MTM1: variants seen among roughly 807,000 people sequenced by gnomAD.
MTM1 encodes the protein myotubularin 1.
Under a neutral mutation model 52.1 loss-of-function variants are expected in MTM1, and 9 were observed. That is an observed-to-expected ratio of 0.17 (90% CI 0.10 to 0.30). The LOEUF is 0.30. Ranked by LOEUF, MTM1 falls within the 10% of genes least tolerant of loss-of-function variation. The pLI is 1.00. For missense variants in MTM1, 277 were observed against 470.7 expected, an observed-to-expected ratio of 0.59 and a Z score of 3.81; for synonymous variants, 136 against 163.8, an observed-to-expected ratio of 0.83 and a Z score of 1.29.
intron 1 of MTM1, among the ~76,000 whole-genome samples, chrX:150,578,464 G>A (rs1345804687): frequency 8.9e-6 from 1 of 112,263 alleles, no homozygotes; most frequent in Non-Finnish European, 1.9e-5. Flanking sequence ...CAGAAACTGT[G>A]AGATGATAAA....
At chrX:150,589,909 G>A (rs1421965838) in intron 1 of MTM1, among the ~76,000 whole-genome samples, 2 of 111,014 alleles carry the variant, frequency 1.8e-5, no homozygotes, top group African/African-American at 6.6e-5. Flanking sequence ...ATCCTTTTGT[G>A]CTCATAAAAA....
At chrX:150,583,294 TTA>T (rs1385470382) in intron 1 of MTM1, among the ~76,000 whole-genome samples, 1 of 55,632 alleles carries the variant, frequency 1.8e-5, no homozygotes, top group Non-Finnish European at 2.9e-5. Context: ...TATATATAAA[TTA>T]TATATATTAT....
At chrX:150,635,763 T>G (rs2039745199) in intron 6 of MTM1, among the ~76,000 whole-genome samples, 1 of 112,372 alleles carries the variant, frequency 8.9e-6, no homozygotes, top group East Asian at 2.8e-4. Context: ...TGGTATTGGC[T>G]CTTTCAGACT....
intron 2 of MTM1, among the ~76,000 whole-genome samples, chrX:150,595,622 AGATGTTAGT>A (rs1282096266): frequency 8.9e-6 from 1 of 112,747 alleles, no homozygotes; most frequent in Non-Finnish European, 1.9e-5. Flanking sequence ...TTGCCCAAAC[AGATGTTAGT>A]GATGTGCCTC....
rs1603215887 is a variant in MTM1 at position 150,672,373 on chromosome X, A to G, written c.*778A>G. 8.9e-6 allele frequency: 1 copy of G among 111,845 alleles called. No individual in the cohort carries two copies. The highest frequency in any genetic ancestry group is 1.9e-5 in the Non-Finnish European group (1 of 53,236). The allele number at this position is 111,845 out of a possible 1,213,427, so 9.2% of individuals were successfully genotyped here. A position where few individuals can be genotyped will look rare whatever the true frequency, so the allele number is the denominator to read the frequency against. On this transcript the variant is annotated 3_prime_UTR_variant, in exon 15 of 15. Transcript: ENST00000370396. Reference sequence around the variant, plus strand: ...GCAAACCCCAAAGAGAGCACTGTCCAAGGATGTCGGGAGCATCCTGCTGCT... The same window carrying G: ...GCAAACCCCAAAGAGAGCACTGTCCGAGGATGTCGGGAGCATCCTGCTGCT...
intron 4 of MTM1, among the ~76,000 whole-genome samples, chrX:150,610,037 TC>T (rs2039246892): frequency 8.9e-6 from 1 of 112,060 alleles, no homozygotes; most frequent in African/African-American, 3.2e-5. Context: ...TAAAATAAAC[TC>T]TCCATGCTTT....
At chrX:150,628,944 G>A (rs1665580507) in intron 6 of MTM1, among the ~76,000 whole-genome samples, 1 of 110,765 alleles carries the variant, frequency 9.0e-6, no homozygotes, top group Non-Finnish European at 1.9e-5. Flanking sequence ...GCCCCCTAAA[G>A]TGCTGGGATT....
At chrX:150,666,683 G>A (rs1454836500) in intron 14 of MTM1, among the ~76,000 whole-genome samples, 1 of 111,875 alleles carries the variant, frequency 8.9e-6, no homozygotes, top group African/African-American at 3.3e-5. Context: ...ATCCCTATGA[G>A]TGGAATGTTC....
At chrX:150,568,301 G>A (rs1342012228), upstream of MTM1, among the ~76,000 whole-genome samples, 1 of 113,313 alleles carries the variant, frequency 8.8e-6, no homozygotes, top group African/African-American at 3.2e-5. Context: ...GCCTCCGCCC[G>A]GCGCCCAGTC....
intron 7 of MTM1, among the ~76,000 whole-genome samples, chrX:150,639,885 C>T (rs181240448): frequency 1.5e-3 from 163 of 112,386 alleles, no homozygotes; most frequent in African/African-American, 5.1e-3. Flanking sequence ...TGAGAAGAAC[C>T]ATCTAGTCAC....
intron 10 of MTM1, among the ~76,000 whole-genome samples, chrX:150,654,502 A>G (rs1405196988): frequency 8.9e-6 from 1 of 112,305 alleles, no homozygotes; most frequent in African/African-American, 3.2e-5. Context: ...TGGATTTTGT[A>G]CAACTAATTG....
chrX:150,599,672 TA>T (rs1557412706), intron 4 of MTM1, among the ~76,000 whole-genome samples: 1 of 112,207 alleles, frequency 8.9e-6, no homozygotes, highest in Non-Finnish European at 1.9e-5. Context: ...TGCTGTTTAT[TA>T]TCCCCATTGC....
intron 9 of MTM1, among the ~76,000 whole-genome samples, chrX:150,647,221 A>ATATATATG (rs373023705): frequency 2.7e-4 from 27 of 101,613 alleles, no homozygotes; most frequent in African/African-American, 9.7e-4. Context: ...ATATATATAT[A>ATATATATG]GCAATATTTT....
chrX:150,644,298 G>A (rs1203784451), intron 8 of MTM1, among the ~76,000 whole-genome samples: 1 of 110,994 alleles, frequency 9.0e-6, no homozygotes, highest in African/African-American at 3.3e-5. Context: ...CATATGTGCT[G>A]TGCATTATAG....
Position 150,649,786 on chromosome X carries a change from A to C in MTM1, c.938A>C (p.Asn313Thr), listed in dbSNP as rs2039989461. 8.3e-7 allele frequency: 1 copy of C among 1,207,679 alleles called. No individual in the cohort carries two copies. Among genetic ancestry groups the C allele is most frequent in the Admixed American group, 2.2e-5 (1 of 45,774 alleles). The change falls in exon 10 of 15, where the codon AAT becomes ACT. Residue 313 changes from asparagine to threonine, a missense_variant. Physicochemically the swap from Asn to Thr is moderately conservative, Grantham distance 65 (BLOSUM62 0). Coordinates refer to ENST00000370396, the MANE Select transcript of MTM1 (RefSeq NM_000252.3). ...GAACTTTTCTTCTTAGACATTCATAATATTCATGTTATGCGGGAATCTTTA... is the reference window on the plus strand; with the variant it reads ...GAACTTTTCTTCTTAGACATTCATACTATTCATGTTATGCGGGAATCTTTA... ...NAELFFLDIH[N>T]IHVMRESLKK... is the part of the protein sequence containing the mutation.
intron 4 of MTM1, among the ~76,000 whole-genome samples, chrX:150,613,666 TTCACCTA>T (rs2148454818): frequency 8.9e-6 from 1 of 112,119 alleles, no homozygotes; most frequent in South Asian, 3.7e-4. Context: ...ATGGGGATAC[TTCACCTA>T]TATCCTGGAA....
rs1557412668 is a variant in MTM1 at position 150,598,642 on chromosome X, G to C, written c.187G>C (p.Val63Leu). The change falls in exon 4 of 15, where the codon GTT becomes CTT. Residue 63 changes from valine (V) to leucine (L), a missense_variant. Physicochemically the swap from Val to Leu is conservative, Grantham distance 32. Transcript: ENST00000370396. ...CPFNGPIKGRVYITNYRLYLR... is the reference protein window; with the variant it reads ...CPFNGPIKGRLYITNYRLYLR... The stretch of plus-strand genomic sequence containing the variant: ...TTTCAATGGCCCCATTAAGGGAAGA[G>C]TTTACATCACAAATTATCGTCTTTA... The C allele has an allele frequency of 8.3e-7, 1 of 1,198,661 alleles. No individual in the cohort carries two copies. Among genetic ancestry groups the C allele is most frequent in the Non-Finnish European group, 1.1e-6 (1 of 885,441 alleles).
rs782330523 is a variant in MTM1 at position 150,672,570 on chromosome X, A to T, written c.*975A>T. 2 of 111,695 alleles carry T rather than the reference A, an allele frequency of 1.8e-5. No individual in the cohort carries two copies. The highest frequency in any genetic ancestry group is 3.8e-5 in the Non-Finnish European group (2 of 53,262). 9.2% of individuals were successfully genotyped at this position (111,695 alleles called of 1,213,427 possible). ...GAAAGTATTGTGTTTATGCATTTCA[A>T]TTTCAATGGTGTTGGCTTCCCCTCC... On this transcript the variant is annotated 3_prime_UTR_variant, in exon 15 of 15. Coordinates refer to ENST00000370396, the MANE Select transcript of MTM1 (RefSeq NM_000252.3).
chrX:150,569,288 G>T (rs1557411361), intron 1 of MTM1, among the ~76,000 whole-genome samples: 1 of 113,609 alleles, frequency 8.8e-6, no homozygotes, highest in Non-Finnish European at 1.9e-5. Context: ...GTACAGGCAC[G>T]AGCAAGCGCC....
Sources: allele counts gnomAD v4.1 joint callset (sites outside exome capture counted in the v4.1 genomes callset), GRCh38; gene constraint gnomAD v4.1.1; transcripts MANE v1.5; gene names NCBI Gene and HGNC (gene_info 2026-07-23, HGNC 2026-07-21).